The following MYO3B variants were observed in gnomAD, a reference collection of about 807,000 sequenced individuals.
MYO3B encodes myosin IIIB, also known as myosin-IIIb.
Under a neutral mutation model 174.6 loss-of-function variants are expected in MYO3B, and 156 were observed. The ratio of observed to expected loss-of-function variants is 0.89; its 90% confidence interval spans 0.78 to 1.02. The LOEUF is 1.02. Ranked by LOEUF, MYO3B falls within the 50% of genes least tolerant of loss-of-function variation. MYO3B has a pLI of 0.00. For missense variants in MYO3B, 1,632 were observed against 1,639.4 expected, an observed-to-expected ratio of 1.00 and a Z score of 0.08; for synonymous variants, 563 against 569.1, an observed-to-expected ratio of 0.99 and a Z score of 0.15.
At chr2:170,363,763 T>C (rs1403092109) in intron 8 of MYO3B, among the ~76,000 whole-genome samples, 1 of 152,184 alleles carries the variant, frequency 6.6e-6, no homozygotes, top group Non-Finnish European at 1.5e-5. Context: ...GACTTTTCTA[T>C]CATATTCAAA....
intron 18 of MYO3B, 88 bp from the exon 19 acceptor site, chr2:170,402,760 G>C: frequency 7.8e-7 from 1 of 1,287,198 alleles, no homozygotes; most frequent in South Asian, 2.4e-5. Flanking sequence ...GGGTACTTGA[G>C]CTGATAAGCA....
rs369531742 is a variant in MYO3B at position 170,236,034 on chromosome 2, G to A, written c.647G>A (p.Arg216His). Residue 216 changes from arginine to histidine, a missense_variant, in exon 7 of 35, where the codon CGC becomes CAC. Arg to His is a conservative substitution (Grantham distance 29). Transcript: ENST00000408978. ...EQQYDSSYDA[R>H]CDVWSLGITA... ...CAGTATGACTCTTCCTATGACGCTC[G>A]CTGTGACGTCTGGTCCTTGGGGATC... 3.1e-6 allele frequency: 5 copies of A among 1,614,028 alleles called. No homozygotes were observed. In the Admixed American group the frequency reaches 6.7e-5, roughly 22 times the overall value.
rs60171555 is a variant in MYO3B, at chr2:170,230,336, A to ATTT, written c.604-5631_604-5629dup. On this transcript the variant is annotated intron_variant, in intron 6 of 34. Coordinates refer to ENST00000408978, the MANE Select transcript of MYO3B (RefSeq NM_138995.5). ...AGGCATGTGCCACCACGCCTGGCTA[A>ATTT]TTTTTTTTTTTTTTTTTTTTTTTTT... 2.1e-3 allele frequency among the ~76,000 whole-genome samples: 133 copies of ATTT among 64,714 alleles called. 21 individuals carry two copies. The highest frequency in any genetic ancestry group is 5.5e-3 in the African/African-American group (81 of 14,642). The allele number at this position is 64,714 out of a possible 152,430, so 42.5% of individuals were successfully genotyped here.
At chr2:170,463,041 T>C (rs1006601054) in intron 23 of MYO3B, among the ~76,000 whole-genome samples, 1 of 152,242 alleles carries the variant, frequency 6.6e-6, no homozygotes, top group African/African-American at 2.4e-5. Flanking sequence ...TTGCCAAGTT[T>C]CCTTTTAAGC....
chr2:170,568,160 A>G (rs1692195884), intron 32 of MYO3B, among the ~76,000 whole-genome samples: 1 of 152,220 alleles, frequency 6.6e-6, no homozygotes, highest in African/African-American at 2.4e-5. Flanking sequence ...AAGCCTGAAA[A>G]ACTCTGCTTT....
chr2:170,178,202 A>C lies in MYO3B; in HGVS notation c.-86A>C. Reference sequence around the variant, plus strand: ...ATACATTCTAGTCATCAAAGACACCATTTTCTGGGCCTGAAGTGTTCTGCT... The same window carrying C: ...ATACATTCTAGTCATCAAAGACACCCTTTTCTGGGCCTGAAGTGTTCTGCT... On this transcript the variant is annotated 5_prime_UTR_variant, in exon 1 of 35. Coordinates refer to ENST00000408978, the MANE Select transcript of MYO3B (RefSeq NM_138995.5). 1 of 1,555,826 alleles carries C rather than the reference A, an allele frequency of 6.4e-7. No individual in the cohort carries two copies. Among genetic ancestry groups the C allele is most frequent in the Non-Finnish European group, 8.9e-7 (1 of 1,127,028 alleles).
chr2:170,226,604 A>G lies in MYO3B; in HGVS notation c.603+9209A>G, dbSNP rs1024768989. Among the ~76,000 whole-genome samples the G allele has an allele frequency of 5.9e-5, 9 of 152,252 alleles. No individual in the cohort carries two copies. In the South Asian group the frequency reaches 6.2e-4, roughly 11 times the overall value. On this transcript the variant is annotated intron_variant, in intron 6 of 34. Transcript: ENST00000408978. Reference sequence around the variant, plus strand: ...CTGTGGGGAGGTTGAGTCATGTGTCATATGTCAGTGTGGAGGCGGGGGGCT... The same window carrying G: ...CTGTGGGGAGGTTGAGTCATGTGTCGTATGTCAGTGTGGAGGCGGGGGGCT...
intron 32 of MYO3B, among the ~76,000 whole-genome samples, chr2:170,575,732 C>G (rs1439916713): frequency 6.6e-6 from 1 of 152,140 alleles, no homozygotes; most frequent in African/African-American, 2.4e-5. Flanking sequence ...TACTTTCTTC[C>G]TTAATACTTA....
chr2:170,599,345 G>C (rs940161121), intron 32 of MYO3B, among the ~76,000 whole-genome samples: 1 of 152,174 alleles, frequency 6.6e-6, no homozygotes. Flanking sequence ...AGAGAGCTCT[G>C]GGTAGAAAAT....
intron 32 of MYO3B, among the ~76,000 whole-genome samples, chr2:170,580,718 A>ATATATGTGTGTGTGTGTG (rs768974458): frequency 2.1e-5 from 3 of 142,702 alleles, no homozygotes; most frequent in Admixed American, 7.0e-5. Context: ...AACCTTATAT[A>ATATATGTGTGTGTGTGTG]TGTGTGTGTG....
chr2:170,636,397 TTTC>T (rs1186370382), intron 32 of MYO3B, among the ~76,000 whole-genome samples: 2 of 142,612 alleles, frequency 1.4e-5, no homozygotes, highest in Non-Finnish European at 3.0e-5. Flanking sequence ...TCTCCATGAA[TTTC>T]TTTTTTTTTT....
chr2:170,622,542 A>C (rs1265609157), intron 32 of MYO3B, among the ~76,000 whole-genome samples: 14 of 152,048 alleles, frequency 9.2e-5, no homozygotes, highest in Admixed American at 8.5e-4. Context: ...GGAAATAAAT[A>C]TGCACATTCT....
chr2:170,492,105 T>G (rs1417220113), intron 25 of MYO3B, among the ~76,000 whole-genome samples: 1 of 152,140 alleles, frequency 6.6e-6, no homozygotes. Context: ...AGAGCTGTGT[T>G]AATGACTAAT....
At chr2:170,524,729 TC>T (rs1688898118) in intron 30 of MYO3B, 1 of 309,494 alleles carries the variant, frequency 3.2e-6, no homozygotes, top group South Asian at 2.5e-5. Flanking sequence ...TAGCGATTCG[TC>T]CCCCTCAGGC....
In MYO3B at chr2:170,466,381, T is replaced by G. The variant is rs1395586687; in HGVS notation, c.2809-125T>G. On this transcript the variant is annotated intron_variant, in intron 24 of 34. Transcript: ENST00000408978. ...TACATTATTATCTCCTATTGCTGAT[T>G]TCATGTTCTTCCTCAAGAAGGTCTG... The G allele has an allele frequency of 3.7e-6, 3 of 816,982 alleles. No homozygotes were observed. In the Admixed American group the frequency reaches 6.7e-5, roughly 18 times the overall value. The allele number at this position is 816,982 out of a possible 1,614,324, so 50.6% of individuals were successfully genotyped here.
chr2:170,329,681 A>G (rs568978985), intron 7 of MYO3B, among the ~76,000 whole-genome samples: 97 of 152,040 alleles, frequency 6.4e-4, no homozygotes, highest in Non-Finnish European at 1.2e-3. Context: ...GGGGTGAGCC[A>G]CCATGCCCAG....
chr2:170,283,722 G>A (rs2093531850), intron 7 of MYO3B, among the ~76,000 whole-genome samples: 2 of 152,132 alleles, frequency 1.3e-5, no homozygotes, highest in South Asian at 4.1e-4. Flanking sequence ...TTAATTGTGT[G>A]GGTTAAATAT....
At chr2:170,646,855 C>A (rs1404854727) in intron 32 of MYO3B, 1 of 1,109,032 alleles carries the variant, frequency 9.0e-7, no homozygotes, top group African/African-American at 1.6e-5. Flanking sequence ...CAGGATAGTT[C>A]AACATTTTTC....
At chr2:170,560,096 G>A (rs765814208) in intron 32 of MYO3B, among the ~76,000 whole-genome samples, 4 of 152,094 alleles carry the variant, frequency 2.6e-5, no homozygotes, top group Non-Finnish European at 5.9e-5. Context: ...CTTCCATTGC[G>A]AATCACTTTT....
Sources: gnomAD v4.1 joint callset for allele counts (sites outside exome capture counted in the v4.1 genomes callset) on GRCh38, gnomAD v4.1.1 for gene constraint, MANE v1.5 for transcripts, NCBI Gene and HGNC (gene_info 2026-07-23, HGNC 2026-07-21) for gene names.